Variants in HTR2A observed in about 807,000 individuals in gnomAD.
HTR2A encodes 5-HT2 receptor.
Under a neutral mutation model 31.0 loss-of-function variants are expected in HTR2A, and 14 were observed. The ratio of observed to expected loss-of-function variants is 0.45; its 90% CI spans 0.30 to 0.71. HTR2A has a LOEUF of 0.71. HTR2A is among the 30% of genes least tolerant of loss of function. The pLI, the probability that HTR2A is intolerant of heterozygous loss-of-function variation, is 0.09. For missense variants in HTR2A, 442 were observed against 573.3 expected, an observed-to-expected ratio of 0.77 and a Z score of 2.34; for synonymous variants, 209 against 225.2, an observed-to-expected ratio of 0.93 and a Z score of 0.64.
At chr13:46,888,913 A>C (rs768846687) in intron 3 of HTR2A, among the ~76,000 whole-genome samples, 8 of 152,220 alleles carry the variant, frequency 5.3e-5, no homozygotes, top group African/African-American at 9.6e-5. Context: ...GGGAATGATG[A>C]ATTGACAATT....
chr13:46,844,955 A>C (rs867855637), intron 3 of HTR2A, among the ~76,000 whole-genome samples: 1 of 152,190 alleles, frequency 6.6e-6, no homozygotes. Context: ...ACTTAGCACT[A>C]TGTGAGACTC....
At chr13:46,873,512 A>T (rs983979142) in intron 3 of HTR2A, among the ~76,000 whole-genome samples, 1 of 150,950 alleles carries the variant, frequency 6.6e-6, no homozygotes, top group Non-Finnish European at 1.5e-5. Context: ...TTAGTTACAT[A>T]TGTATACATG....
intron 3 of HTR2A, among the ~76,000 whole-genome samples, chr13:46,855,273 G>A (rs775618565): frequency 3.9e-5 from 6 of 152,198 alleles, no homozygotes; most frequent in Admixed American, 3.9e-4. Flanking sequence ...TGCCTTCCAG[G>A]AGAAGTGATA....
At chr13:46,850,181 T>C (rs570006579) in intron 3 of HTR2A, among the ~76,000 whole-genome samples, 7 of 152,186 alleles carry the variant, frequency 4.6e-5, no homozygotes, top group Non-Finnish European at 1.0e-4. Flanking sequence ...AATATCCTAG[T>C]TAATAATAAT....
At chr13:46,837,119 C>A (rs1401376975) in intron 3 of HTR2A, among the ~76,000 whole-genome samples, 2 of 152,138 alleles carry the variant, frequency 1.3e-5, no homozygotes, top group Non-Finnish European at 2.9e-5. Flanking sequence ...GAGGAGGAAG[C>A]AGAAGTGAAT....
intron 2 of HTR2A, among the ~76,000 whole-genome samples, chr13:46,894,290 C>T (rs1166897145): frequency 2.6e-5 from 4 of 152,284 alleles, no homozygotes; most frequent in East Asian, 1.9e-4. Context: ...TCACCCCACC[C>T]TCCAGCCTCT....
In HTR2A at chr13:46,862,031, G is replaced by A. The variant is rs546468796; in HGVS notation, c.614-26392C>T. On this transcript the variant is annotated intron_variant, in intron 3 of 3. Coordinates refer to ENST00000542664, the MANE Select transcript of HTR2A (RefSeq NM_000621.5). Reference sequence around the variant, plus strand: ...ATTATTGCCTGTCCTTTACTTTCTGGGTCAGTGGTCCAGGATCCTGTTAAT... The same window carrying A: ...ATTATTGCCTGTCCTTTACTTTCTGAGTCAGTGGTCCAGGATCCTGTTAAT... 3.3e-5 allele frequency among the ~76,000 whole-genome samples: 5 copies of A among 152,072 alleles called. No homozygotes were observed. The South Asian group carries it at 1.0e-3, about 32-fold the overall frequency.
intron 3 of HTR2A, among the ~76,000 whole-genome samples, chr13:46,879,837 T>C (rs1950946904): frequency 6.6e-6 from 1 of 151,750 alleles, no homozygotes; most frequent in South Asian, 2.1e-4. Flanking sequence ...AAAGCCCATC[T>C]TTACAAAAAA....
intron 3 of HTR2A, among the ~76,000 whole-genome samples, chr13:46,873,770 G>T (rs1950884487): frequency 6.6e-6 from 1 of 152,140 alleles, no homozygotes; most frequent in Non-Finnish European, 1.5e-5. Flanking sequence ...GTCTGAGAAT[G>T]GTTACTCTGG....
intron 1 of HTR2A, 84 bp from the exon 2 acceptor site, chr13:46,896,318 T>G (rs1951104783): frequency 1.3e-6 from 1 of 742,616 alleles, no homozygotes; most frequent in Non-Finnish European, 1.7e-6. Flanking sequence ...ATGGTACTAG[T>G]TTAGCAACAG....
At chr13:46,890,572 G>T (rs1044479859) in intron 3 of HTR2A, among the ~76,000 whole-genome samples, 16 of 152,098 alleles carry the variant, frequency 1.1e-4, no homozygotes, top group African/African-American at 3.6e-4. Flanking sequence ...TCTTTAAGGG[G>T]CTTTGTATAC....
chr13:46,864,990 C>A (rs1052685061), intron 3 of HTR2A, among the ~76,000 whole-genome samples: 1 of 152,116 alleles, frequency 6.6e-6, no homozygotes, highest in African/African-American at 2.4e-5. Flanking sequence ...ATTTACCCAA[C>A]CTAACCTCAT....
At chr13:46,846,512 T>C (rs1477963067) in intron 3 of HTR2A, among the ~76,000 whole-genome samples, 1 of 152,300 alleles carries the variant, frequency 6.6e-6, no homozygotes, top group East Asian at 1.9e-4. Context: ...AGGTCTCTGT[T>C]AATATGGAAC....
intron 3 of HTR2A, among the ~76,000 whole-genome samples, chr13:46,888,802 G>A (rs76669631): frequency 0.01 from 1,598 of 152,252 alleles, 25 homozygotes; most frequent in African/African-American, 0.036. Flanking sequence ...TGCACTATCC[G>A]AGAAGTGTTA....
In HTR2A at chr13:46,852,571, C is replaced by G. The variant is rs773459602; in HGVS notation, c.614-16932G>C. Among the ~76,000 whole-genome samples the G allele has an allele frequency of 3.6e-4, 55 of 152,342 alleles. 1 individual carries two copies. In the Middle Eastern group the frequency reaches 0.024, roughly 66 times the overall value. On this transcript the variant is annotated intron_variant, in intron 3 of 3. Coordinates refer to ENST00000542664, the MANE Select transcript of HTR2A (RefSeq NM_000621.5). ...TCAGACTGATGTGTTAACTTCTAAG[C>G]TTTCCTATGATTAAGATAATTGTTC...
chr13:46,892,304 G>T (rs145194929), intron 3 of HTR2A, 86 bp downstream of exon 3: 3 of 1,262,824 alleles, frequency 2.4e-6, no homozygotes, highest in South Asian at 1.2e-5. Context: ...AGGATGTCAG[G>T]TTTCAGTACA....
At chr13:46,841,700 C>T (rs1369774866) in intron 3 of HTR2A, among the ~76,000 whole-genome samples, 3 of 152,032 alleles carry the variant, frequency 2.0e-5, no homozygotes, top group African/African-American at 7.2e-5. Flanking sequence ...TCTGACCCTC[C>T]TTCCTTTTCT....
Position 46,895,321 on chromosome 13 carries a change from T to G in HTR2A, c.412+174A>C, listed in dbSNP as rs962447994. 5 of 624,372 alleles carry G rather than the reference T, an allele frequency of 8.0e-6. No homozygotes were observed. The highest frequency in any genetic ancestry group is 1.4e-5 in the Non-Finnish European group (5 of 365,988). The allele number at this position is 624,372 out of a possible 1,614,324, so 38.7% of individuals were successfully genotyped here. A position where few individuals can be genotyped will look rare whatever the true frequency, so the allele number is the denominator to read the frequency against. ...CACAGGTCATAGACTGTCTGATTTT[T>G]ATGTGAAATCCCATTTTAAGAGTAA... is the stretch of plus-strand genomic sequence containing the variant. On this transcript the variant is annotated intron_variant, in intron 2 of 3. Coordinates refer to ENST00000542664, the MANE Select transcript of HTR2A (RefSeq NM_000621.5). This position sits in a 1 kb window ranked among gnomAD's most constrained non-coding sequence, Gnocchi z 4.4.
chr13:46,858,261 A>C lies in HTR2A; in HGVS notation c.614-22622T>G, dbSNP rs148512752. 2.8e-3 allele frequency among the ~76,000 whole-genome samples: 424 copies of C among 152,244 alleles called. 4 individuals are homozygous for C. The highest frequency in any genetic ancestry group is 9.7e-3 in the African/African-American group (403 of 41,548). The stretch of plus-strand genomic sequence containing the variant: ...AGTATAGCCAAGCAGAGCTGCTTGG[A>C]AAACAGGTACCTGAATCTGACGACC... On this transcript the variant is annotated intron_variant, in intron 3 of 3. Transcript: ENST00000542664.
Sources: gnomAD v4.1 joint callset for allele counts (sites outside exome capture counted in the v4.1 genomes callset) on GRCh38, gnomAD v4.1.1 for gene constraint, Gnocchi (gnomAD v3.1) non-coding constraint, MANE v1.5 for transcripts, NCBI Gene and HGNC (gene_info 2026-07-23, HGNC 2026-07-21) for gene names.